MYCBP2: variants seen among roughly 807,000 people sequenced by gnomAD.
MYCBP2 encodes the protein MYC binding protein 2, also known as E3 ubiquitin-protein ligase MYCBP2.
MYCBP2 carries 120 observed loss-of-function variants against 525.3 expected under a neutral mutation model. The observed-to-expected ratio is 0.23, with a 90% CI of 0.20 to 0.27. MYCBP2 has a LOEUF of 0.27. MYCBP2 is among the 10% of genes least tolerant of loss of function. The pLI is 1.00. For synonymous variants in MYCBP2, 1,894 were observed against 1,955.8 expected, an observed-to-expected ratio of 0.97 and a Z score of 0.83; for missense variants, 4,149 against 5,657.1, an observed-to-expected ratio of 0.73 and a Z score of 8.55.
At chr13:77,174,178 TG>T in intron 37 of MYCBP2, 132 bp downstream of exon 37, 1 of 609,892 alleles carries the variant, frequency 1.6e-6, no homozygotes, top group East Asian at 2.9e-5. Flanking sequence ...TATATGAATT[TG>T]TACAAGTATG....
chr13:77,178,786 C>A (rs1397074322), intron 34 of MYCBP2, among the ~76,000 whole-genome samples: 1 of 152,172 alleles, frequency 6.6e-6, no homozygotes. Flanking sequence ...GTATACCAGG[C>A]ACCCTGTAAC....
chr13:77,057,809 T>C (rs2154067320), intron 78 of MYCBP2, among the ~76,000 whole-genome samples: 1 of 147,046 alleles, frequency 6.8e-6, no homozygotes, highest in South Asian at 2.1e-4. Flanking sequence ...TGCCTAGTGA[T>C]ATAAAAAAAG....
intron 55 of MYCBP2, among the ~76,000 whole-genome samples, chr13:77,106,852 T>TA (rs2047933793): frequency 6.6e-6 from 1 of 152,112 alleles, no homozygotes; most frequent in Admixed American, 6.5e-5. Flanking sequence ...GTCACCCAGG[T>TA]AATCAAGCAT....
chr13:77,187,580 G>A (rs752706839), intron 30 of MYCBP2, among the ~76,000 whole-genome samples: 8 of 152,254 alleles, frequency 5.3e-5, no homozygotes, highest in East Asian at 3.9e-4. Context: ...ATAATGGTAC[G>A]CAAACGGAGA....
intron 71 of MYCBP2, among the ~76,000 whole-genome samples, chr13:77,066,389 G>C (rs1384680463): frequency 6.6e-6 from 1 of 152,168 alleles, no homozygotes; most frequent in Admixed American, 6.5e-5. Context: ...ATAATGTGGA[G>C]CTTAACCGGA....
At position 77,135,279 on chromosome 13, in the gene MYCBP2, C is replaced by G. The variant is rs187852831; in HGVS notation, c.7659+3917G>C. ...TTGAGTCATGTTTTACAATTAACAGCCATGATTAAAGTTCATTTACTTTAA... is the reference window on the plus strand; with the variant it reads ...TTGAGTCATGTTTTACAATTAACAGGCATGATTAAAGTTCATTTACTTTAA... On this transcript the variant is annotated intron_variant, in intron 52 of 82. Coordinates refer to ENST00000544440, the MANE Select transcript of MYCBP2 (RefSeq NM_015057.5). 2.6e-4 allele frequency among the ~76,000 whole-genome samples: 39 copies of G among 152,192 alleles called. No individual in the cohort carries two copies. The East Asian group carries it at 6.9e-3, about 27-fold the overall frequency.
chr13:77,326,353 T>C lies in MYCBP2; in HGVS notation c.302+121A>G. 9.9e-7 allele frequency: 1 copy of C among 1,006,906 alleles called. No individual in the cohort carries two copies. Among genetic ancestry groups the C allele is most frequent in the Non-Finnish European group, 1.4e-6 (1 of 724,524 alleles). The allele number at this position is 1,006,906 out of a possible 1,614,324, so 62.4% of individuals were successfully genotyped here. A position where few individuals can be genotyped will look rare whatever the true frequency, so the allele number is the denominator to read the frequency against. On this transcript the variant is annotated intron_variant, in intron 1 of 82. Transcript: ENST00000544440. The surrounding 1 kb of genome is among the most constrained non-coding windows in gnomAD (Gnocchi z 4.2). Reference sequence around the variant, plus strand: ...CTGCCAACAGACATCCAGAGCGGACTGAAAGCTCAATAAATGCGCAGGTAC... The same window carrying C: ...CTGCCAACAGACATCCAGAGCGGACCGAAAGCTCAATAAATGCGCAGGTAC...
At chr13:77,280,662 C>A (rs1321948244) in intron 3 of MYCBP2, among the ~76,000 whole-genome samples, 5 of 152,178 alleles carry the variant, frequency 3.3e-5, no homozygotes, top group Admixed American at 1.3e-4. Context: ...AGTAAGACTG[C>A]CTAATGAACA....
intron 61 of MYCBP2, among the ~76,000 whole-genome samples, 167 bp downstream of exon 61, chr13:77,088,665 T>G (rs1287681392): frequency 1.3e-5 from 2 of 152,182 alleles, no homozygotes; most frequent in Non-Finnish European, 2.9e-5. Flanking sequence ...TCATTTATAT[T>G]CATAAACTTT....
At chr13:77,191,593 C>A in intron 28 of MYCBP2, 86 bp downstream of exon 28, 4 of 1,464,762 alleles carry the variant, frequency 2.7e-6, no homozygotes, top group Non-Finnish European at 3.7e-6. Flanking sequence ...GCTTTTGAAT[C>A]CTGCTGAAAG....
chr13:77,056,400 A>T (rs1036998613), intron 79 of MYCBP2, among the ~76,000 whole-genome samples: 3 of 152,176 alleles, frequency 2.0e-5, no homozygotes, highest in Non-Finnish European at 2.9e-5. Flanking sequence ...AGAGCTTAAT[A>T]GAACAAAAAG....
intron 44 of MYCBP2, among the ~76,000 whole-genome samples, chr13:77,159,659 T>C (rs903443494): frequency 6.6e-6 from 1 of 152,134 alleles, no homozygotes; most frequent in East Asian, 1.9e-4. Flanking sequence ...GCCTTTCCCC[T>C]TCTCTCTCTC....
chr13:77,083,786 T>A (rs2043739167), intron 62 of MYCBP2, among the ~76,000 whole-genome samples: 1 of 151,944 alleles, frequency 6.6e-6, no homozygotes, highest in Admixed American at 6.6e-5. Context: ...ATAACACACA[T>A]CATAATAAAA....
At position 77,081,927 on chromosome 13, in the gene MYCBP2, G is replaced by A. The variant is rs1342522125; in HGVS notation, c.11103C>T (p.His3701=). 6.2e-7 allele frequency: 1 copy of A among 1,613,676 alleles called. No individual in the cohort carries two copies. The highest frequency in any genetic ancestry group is 1.7e-5 in the Admixed American group (1 of 59,972). Residue 3701 remains histidine (H), a synonymous_variant, in exon 64 of 83, where the codon CAC becomes CAT. Coordinates refer to ENST00000544440, the MANE Select transcript of MYCBP2 (RefSeq NM_015057.5). This position sits in a 1 kb window ranked among gnomAD's most constrained non-coding sequence, Gnocchi z 4.6. ...QFLHQSNVFH[H]INNILSKSDD... ...CTGACTTTGACAAAATATTGTTAAT[G>A]TGATGAAAGACGTTGCTCTGATGAA...
Position 77,261,157 on chromosome 13 carries a change from A to G in MYCBP2, c.1852+14T>C, listed in dbSNP as rs1414318164. The G allele has an allele frequency of 3.9e-5, 63 of 1,600,288 alleles. No homozygotes were observed. Among genetic ancestry groups the G allele is most frequent in the Non-Finnish European group, 5.2e-5 (61 of 1,169,732 alleles). Reference sequence around the variant, plus strand: ...TTTATTTTTATTAAATGCATAGTTGATCACTCAACTTACTTGATTCTCCAT... The same window carrying G: ...TTTATTTTTATTAAATGCATAGTTGGTCACTCAACTTACTTGATTCTCCAT... On this transcript the variant is annotated intron_variant, in intron 12 of 82. Transcript: ENST00000544440.
rs763386245 is a variant in MYCBP2, at chr13:77,180,329, T to A, written c.4942-11A>T. 3 of 1,611,616 alleles carry A rather than the reference T, an allele frequency of 1.9e-6. No individual in the cohort carries two copies. The highest frequency in any genetic ancestry group is 2.5e-6 in the Non-Finnish European group (3 of 1,178,556). ...GATATTCTCTTCACTCTGCGATACA[T>A]AAGAAAAAGTTCTAAGGTATTGTTT... On this transcript the variant is annotated splice_polypyrimidine_tract_variant and intron_variant, in intron 33 of 82. Transcript: ENST00000544440.
intron 17 of MYCBP2, among the ~76,000 whole-genome samples, chr13:77,241,943 C>A (rs1455797936): frequency 2.0e-5 from 3 of 151,948 alleles, no homozygotes; most frequent in Non-Finnish European, 4.4e-5. Context: ...TATGCAATAT[C>A]AGTAAACATT....
At chr13:77,287,478 C>T (rs1230555910) in intron 3 of MYCBP2, among the ~76,000 whole-genome samples, 3 of 152,188 alleles carry the variant, frequency 2.0e-5, no homozygotes, top group Admixed American at 2.0e-4. Context: ...AGAGCCACTG[C>T]GCCCGGCCTA....
At chr13:77,316,468 G>A (rs969450920) in intron 1 of MYCBP2, among the ~76,000 whole-genome samples, 1 of 152,200 alleles carries the variant, frequency 6.6e-6, no homozygotes, top group Non-Finnish European at 1.5e-5. Flanking sequence ...CAGTCGTGGG[G>A]GAATTTTGAG....
Sources: gnomAD v4.1 joint callset for allele counts (sites outside exome capture counted in the v4.1 genomes callset) on GRCh38, gnomAD v4.1.1 for gene constraint, Gnocchi (gnomAD v3.1) non-coding constraint, MANE v1.5 for transcripts, NCBI Gene and HGNC (gene_info 2026-07-23, HGNC 2026-07-21) for gene names.